CNNM3: variants seen among roughly 807,000 people sequenced by gnomAD.
CNNM3 encodes the protein cyclin and CBS domain divalent metal cation transport mediator 3, also known as metal transporter CNNM3.
A neutral mutation model predicts 57.1 loss-of-function variants in CNNM3; 47 were observed. That is an observed-to-expected ratio of 0.82 (90% CI 0.65 to 1.05). The LOEUF is 1.05. Ranked by LOEUF, CNNM3 falls within the 50% of genes least tolerant of loss-of-function variation. CNNM3 has a pLI of 0.00. For missense variants in CNNM3, 957 were observed against 973.7 expected (o/e 0.98, Z 0.23); for synonymous variants, 507 against 478.2 (o/e 1.06, Z -0.79).
intron 1 of CNNM3, among the ~76,000 whole-genome samples, chr2:96,818,993 G>C (rs1279142554): frequency 6.6e-6 from 1 of 152,226 alleles, no homozygotes; most frequent in African/African-American, 2.4e-5. Flanking sequence ...CGTGTGCCAG[G>C]AGCTGATGGG....
chr2:96,820,329 A>G (rs2079387735), intron 1 of CNNM3, among the ~76,000 whole-genome samples: 1 of 152,176 alleles, frequency 6.6e-6, no homozygotes, highest in African/African-American at 2.4e-5. Context: ...CGCCTTCACT[A>G]AGGGCCGGGC....
intron 2 of CNNM3, among the ~76,000 whole-genome samples, chr2:96,825,561 T>C (rs1049256743): frequency 4.6e-5 from 7 of 152,230 alleles, no homozygotes; most frequent in Non-Finnish European, 1.0e-4. Context: ...CAGGTTCTTT[T>C]GTACATTACA....
chr2:96,830,766 G>T (rs1236108869), intron 7 of CNNM3, among the ~76,000 whole-genome samples: 2 of 152,194 alleles, frequency 1.3e-5, no homozygotes, highest in Non-Finnish European at 1.5e-5. Flanking sequence ...GGGCTCAAGT[G>T]ATCCTCCTGC....
intron 1 of CNNM3, among the ~76,000 whole-genome samples, chr2:96,817,822 G>C (rs1372709140): frequency 6.6e-6 from 1 of 151,690 alleles, no homozygotes; most frequent in East Asian, 1.9e-4. Context: ...CCCTCTCCCA[G>C]AGTGTTTCTG....
rs1366819486 is a variant in CNNM3 at position 96,834,747 on chromosome 2, T to TA, written c.*2133dup. 3.3e-5 allele frequency among the ~76,000 whole-genome samples: 5 copies of TA among 152,236 alleles called. No individual in the cohort carries two copies. Among genetic ancestry groups the TA allele is most frequent in the Non-Finnish European group, 7.3e-5 (5 of 68,050 alleles). ...ATCAAAACTAAAGGTGCAATCATAC[T>TA]AATAGCTAGAGTTTATTTGGATTTT... On this transcript the variant is annotated 3_prime_UTR_variant, in exon 8 of 8. Transcript: ENST00000305510.
chr2:96,821,572 A>G (rs1281091743), intron 1 of CNNM3, among the ~76,000 whole-genome samples: 1 of 152,212 alleles, frequency 6.6e-6, no homozygotes, highest in African/African-American at 2.4e-5. Flanking sequence ...AGACGTCACC[A>G]GGAAGAGTGA....
intron 1 of CNNM3, among the ~76,000 whole-genome samples, chr2:96,821,580 T>C (rs1574102365): frequency 1.3e-5 from 2 of 152,200 alleles, no homozygotes; most frequent in Non-Finnish European, 2.9e-5. Flanking sequence ...CCAGGAAGAG[T>C]GAGTGCTTTG....
downstream of CNNM3, chr2:96,836,871 T>G (rs1368993802): frequency 2.0e-5 from 3 of 152,232 alleles, no homozygotes; most frequent in African/African-American, 7.2e-5. Flanking sequence ...AATTTAAGTA[T>G]GCATGTGAGC....
Position 96,817,409 on chromosome 2 carries a change from C to G in CNNM3, c.1132C>G (p.Pro378Ala). The G allele has an allele frequency of 1.2e-6, 2 of 1,614,150 alleles. No homozygotes were observed. The highest frequency in any genetic ancestry group is 1.7e-6 in the Non-Finnish European group (2 of 1,180,040). ...CTTCGTGGATCCCGAAGACTGCACG[C>G]CGCTCAGCACCATCACTCGTTTCTA... is the stretch of plus-strand genomic sequence containing the variant. ...LAFVDPEDCT[P>A]LSTITRFYNH... Residue 378 changes from proline to alanine, a missense_variant, in exon 1 of 8, where the codon CCG becomes GCG. Coordinates refer to ENST00000305510, the MANE Select transcript of CNNM3 (RefSeq NM_017623.5).
intron 7 of CNNM3, 31 bp downstream of exon 7, chr2:96,829,165 G>T (rs780302104): frequency 2.7e-5 from 44 of 1,605,518 alleles, no homozygotes; most frequent in Non-Finnish European, 3.7e-5. Context: ...CGTGCATGGT[G>T]TCTGGACCTG....
chr2:96,825,634 G>A (rs1225810033), intron 2 of CNNM3, among the ~76,000 whole-genome samples: 2 of 151,102 alleles, frequency 1.3e-5, no homozygotes, highest in Non-Finnish European at 2.9e-5. Flanking sequence ...TGGGCGCAGT[G>A]GCTCACGCCT....
rs2079557061 is a variant in CNNM3, at chr2:96,828,986, C to T, written c.1921-10C>T. On this transcript the variant is annotated splice_polypyrimidine_tract_variant and intron_variant, in intron 6 of 7. Coordinates refer to ENST00000305510, the MANE Select transcript of CNNM3 (RefSeq NM_017623.5). The stretch of plus-strand genomic sequence containing the variant: ...ACCAATTGGGTCCCAGTAACGCTGT[C>T]ATCCTCCAGGTTACGCGACTGCAGT... The T allele has an allele frequency of 1.2e-6, 2 of 1,613,034 alleles. No homozygotes were observed. The highest frequency in any genetic ancestry group is 1.7e-6 in the Non-Finnish European group (2 of 1,179,184).
In CNNM3 at chr2:96,816,312, G is replaced by C; in HGVS notation, c.35G>C (p.Gly12Ala). Residue 12 changes from glycine (G) to alanine (A), a missense_variant, in exon 1 of 8, where the codon GGC becomes GCC. Gly to Ala is a moderately conservative substitution (Grantham distance 60). Transcript: ENST00000305510. Reference protein sequence around the residue: ...AAAVAAAGRLGWLFAALCLGN... With the variant: ...AAAVAAAGRLAWLFAALCLGN... ...GCGGTAGCTGCGGCGGGTCGGTTAGGCTGGTTGTTCGCCGCGCTCTGCCTG... is the reference window on the plus strand; with the variant it reads ...GCGGTAGCTGCGGCGGGTCGGTTAGCCTGGTTGTTCGCCGCGCTCTGCCTG... 7.7e-7 allele frequency: 1 copy of C among 1,291,604 alleles called. No individual in the cohort carries two copies. Among genetic ancestry groups the C allele is most frequent in the South Asian group, 2.5e-5 (1 of 40,230 alleles). 80.0% of individuals were successfully genotyped at this position (1,291,604 alleles called of 1,614,324 possible). A position where few individuals can be genotyped will look rare whatever the true frequency, so the allele number is the denominator to read the frequency against.
At chr2:96,826,016 G>GC (rs1425627965) in intron 2 of CNNM3, among the ~76,000 whole-genome samples, 1 of 152,148 alleles carries the variant, frequency 6.6e-6, no homozygotes, top group Non-Finnish European at 1.5e-5. Flanking sequence ...TGGCCGGGCC[G>GC]CCTGCCCTGC....
At chr2:96,837,042 T>G (rs550870943), downstream of CNNM3, 1 of 152,376 alleles carries the variant, frequency 6.6e-6, no homozygotes, top group South Asian at 2.1e-4. Flanking sequence ...TGTGTGGTCC[T>G]GTTCCCGTGA....
rs1348867850 is a variant in CNNM3, at chr2:96,816,372, G to A, written c.95G>A (p.Arg32Gln). The change falls in exon 1 of 8, where the codon CGA (arginine) becomes CAA (glutamine). Residue 32 changes from arginine to glutamine, a missense_variant. Physicochemically the swap from Arg to Gln is conservative, Grantham distance 43. Transcript: ENST00000305510. ...NAAGEAAPGP[R>Q]VLGFCLEEDG... ...GCGGGGGAGGCCGCGCCGGGCCCGC[G>A]AGTGCTGGGCTTCTGCCTGGAGGAG... is the stretch of plus-strand genomic sequence containing the variant. 3.0e-6 allele frequency: 4 copies of A among 1,330,330 alleles called. No homozygotes were observed. Among genetic ancestry groups the A allele is most frequent in the Admixed American group, 8.3e-5 (2 of 24,192 alleles). The allele number at this position is 1,330,330 out of a possible 1,614,324, so 82.4% of individuals were successfully genotyped here. A position where few individuals can be genotyped will look rare whatever the true frequency, so the allele number is the denominator to read the frequency against.
chr2:96,827,664 T>A, intron 3 of CNNM3, 67 bp from the exon 4 acceptor site: 1 of 1,506,948 alleles, frequency 6.6e-7, no homozygotes, highest in Admixed American at 1.8e-5. Context: ...TTGCCTACAG[T>A]GTTGGGTGTG....
At chr2:96,832,028 G>C (rs2079612039) in intron 7 of CNNM3, 2 of 987,534 alleles carry the variant, frequency 2.0e-6, no homozygotes, top group African/African-American at 1.7e-5. Flanking sequence ...ATAAATGACT[G>C]TGGACTAGTG....
At chr2:96,819,307 A>T (rs746222397) in intron 1 of CNNM3, among the ~76,000 whole-genome samples, 1 of 152,228 alleles carries the variant, frequency 6.6e-6, no homozygotes, top group African/African-American at 2.4e-5. Context: ...CCCTGGAATC[A>T]GCGGAGTAGG....
Sources: allele counts gnomAD v4.1 joint callset (sites outside exome capture counted in the v4.1 genomes callset), GRCh38; gene constraint gnomAD v4.1.1; transcripts MANE v1.5; gene names NCBI Gene and HGNC (gene_info 2026-07-23, HGNC 2026-07-21).